The following DNMBP variants were observed in gnomAD, a reference collection of about 807,000 sequenced individuals.
The protein encoded by DNMBP is dynamin-binding protein.
DNMBP carries 87 observed loss-of-function variants against 150.0 expected under a neutral mutation model. The ratio of observed to expected loss-of-function variants is 0.58; its 90% CI spans 0.49 to 0.69. The LOEUF is 0.69. DNMBP is among the 30% of genes least tolerant of loss of function. The pLI is 0.00. For missense variants in DNMBP, 1,774 were observed against 1,949.0 expected, an observed-to-expected ratio of 0.91 and a Z score of 1.69; for synonymous variants, 711 against 750.4, an observed-to-expected ratio of 0.95 and a Z score of 0.86.
chr10:99,970,984 A>AAAATAAATAAAAAAAT, intron 2 of DNMBP, among the ~76,000 whole-genome samples: 1 of 147,728 alleles, frequency 6.8e-6, no homozygotes, highest in African/African-American at 2.5e-5. Flanking sequence ...AAAAAAAAAA[A>AAAATAAATAAAAAAAT]AAAAAAAAAA....
chr10:99,889,550 C>T (rs2039525027), intron 11 of DNMBP: 1 of 152,330 alleles, frequency 6.6e-6, no homozygotes, highest in East Asian at 1.9e-4. Flanking sequence ...AAGGTAGAGA[C>T]TTTTGTCTGT....
intron 1 of DNMBP, among the ~76,000 whole-genome samples, chr10:99,990,776 C>CAT (rs1327444426): frequency 9.2e-6 from 1 of 109,072 alleles, no homozygotes; most frequent in African/African-American, 4.1e-5. Context: ...CATATATACA[C>CAT]ATATATACAC....
At chr10:100,005,966 T>G (rs1364032546) in intron 1 of DNMBP, among the ~76,000 whole-genome samples, 1 of 152,164 alleles carries the variant, frequency 6.6e-6, no homozygotes, top group African/African-American at 2.4e-5. Context: ...AAAACCAATC[T>G]TTTAGATTCC....
At chr10:99,926,677 T>C (rs923973135) in intron 4 of DNMBP, among the ~76,000 whole-genome samples, 1 of 152,054 alleles carries the variant, frequency 6.6e-6, no homozygotes, top group Non-Finnish European at 1.5e-5. Flanking sequence ...AAGGGGGAAA[T>C]CCTGGAAAAC....
chr10:99,934,744 G>A (rs1395487014), intron 4 of DNMBP, among the ~76,000 whole-genome samples: 1 of 126,298 alleles, frequency 7.9e-6, no homozygotes, highest in African/African-American at 3.1e-5. Context: ...AATGCGTGGG[G>A]ACAAGATTTC....
intron 6 of DNMBP, among the ~76,000 whole-genome samples, chr10:99,905,508 A>C (rs1280202359): frequency 6.6e-6 from 1 of 152,092 alleles, no homozygotes; most frequent in Non-Finnish European, 1.5e-5. Flanking sequence ...GGGAGGACTG[A>C]GCTCAGGAAT....
intron 4 of DNMBP, among the ~76,000 whole-genome samples, chr10:99,936,499 T>C (rs981866264): frequency 6.7e-6 from 1 of 149,892 alleles, no homozygotes; most frequent in Non-Finnish European, 1.5e-5. Flanking sequence ...AACCCTTTAC[T>C]GAAGATTTCT....
chr10:99,896,145 G>A (rs1196663499), intron 10 of DNMBP, 122 bp downstream of exon 10: 8 of 1,158,230 alleles, frequency 6.9e-6, no homozygotes, highest in African/African-American at 1.5e-5. Context: ...GTCTCCACCA[G>A]CTCGTAAAAC....
At chr10:99,920,775 C>T (rs2040014297) in intron 4 of DNMBP, among the ~76,000 whole-genome samples, 1 of 152,096 alleles carries the variant, frequency 6.6e-6, no homozygotes, top group African/African-American at 2.4e-5. Context: ...TCACTGTAGC[C>T]TCAACCTCCT....
rs2040668305 is a variant in DNMBP, at chr10:99,970,977, A to AAAAAAAAAAAAAAAAAT, written c.145+1002_145+1003insATTTTTTTTTTTTTTTT. ...ACAGAGCAAGACTCCGTCTCAAAAA[A>AAAAAAAAAAAAAAAAAT]AAAAAAAAAAAAAAAAAAAAAGGAA... On this transcript the variant is annotated intron_variant, in intron 2 of 16. Coordinates refer to ENST00000324109, the MANE Select transcript of DNMBP (RefSeq NM_015221.4). Among the ~76,000 whole-genome samples, 6 of 136,138 alleles carry AAAAAAAAAAAAAAAAAT rather than the reference A, an allele frequency of 4.4e-5. 1 individual carries two copies. The highest frequency in any genetic ancestry group is 1.8e-4 in the African/African-American group (6 of 32,662). 89.3% of individuals were successfully genotyped at this position (136,138 alleles called of 152,430 possible).
chr10:99,934,311 G>GAAGC (rs1443127914), intron 4 of DNMBP, among the ~76,000 whole-genome samples: 15 of 151,358 alleles, frequency 9.9e-5, no homozygotes, highest in African/African-American at 3.7e-4. Flanking sequence ...GTTTTTTAGA[G>GAAGC]AAGCAAGCCT....
intron 1 of DNMBP, among the ~76,000 whole-genome samples, chr10:99,983,705 G>T (rs1026543076): frequency 6.6e-6 from 1 of 152,216 alleles, no homozygotes; most frequent in Non-Finnish European, 1.5e-5. Flanking sequence ...ACAGAATGTC[G>T]AACTGGAAGA....
At chr10:99,883,160 T>C (rs1590208748) in intron 15 of DNMBP, among the ~76,000 whole-genome samples, 1 of 50,440 alleles carries the variant, frequency 2.0e-5, no homozygotes, top group East Asian at 3.0e-4. Flanking sequence ...AAAGTGTTTT[T>C]AGAGCTTTTT....
At chr10:99,934,513 A>G (rs1277331601) in intron 4 of DNMBP, among the ~76,000 whole-genome samples, 2 of 136,176 alleles carry the variant, frequency 1.5e-5, no homozygotes, top group African/African-American at 5.7e-5. Context: ...GGGTGAAAGC[A>G]TAAGTCTTTT....
At chr10:99,892,681 C>T (rs1363213369) in intron 11 of DNMBP, among the ~76,000 whole-genome samples, 1 of 147,644 alleles carries the variant, frequency 6.8e-6, no homozygotes, top group Non-Finnish European at 1.5e-5. Context: ...TGTTTATCTG[C>T]TGACCTTCCC....
In DNMBP at chr10:99,877,101, C is replaced by CATTAA. The variant is rs2039286058; in HGVS notation, c.*49_*50insTTAAT. 1 of 1,397,886 alleles carries CATTAA rather than the reference C, an allele frequency of 7.2e-7. No homozygotes were observed. Among genetic ancestry groups the CATTAA allele is most frequent in the East Asian group, 2.6e-5 (1 of 37,762 alleles). The allele number at this position is 1,397,886 out of a possible 1,614,324, so 86.6% of individuals were successfully genotyped here. A position where few individuals can be genotyped will look rare whatever the true frequency, so the allele number is the denominator to read the frequency against. ...CCTCTCGGTGGGCCGCCAGAACCCT[C>CATTAA]GGCGGACTGAAAGCAAAGGCAGCAA... On this transcript the variant is annotated 3_prime_UTR_variant, in exon 17 of 17. Coordinates refer to ENST00000324109, the MANE Select transcript of DNMBP (RefSeq NM_015221.4).
intron 4 of DNMBP, among the ~76,000 whole-genome samples, chr10:99,946,716 C>A (rs1316855888): frequency 6.6e-6 from 1 of 152,082 alleles, no homozygotes; most frequent in Non-Finnish European, 1.5e-5. Context: ...GCAACAAAAA[C>A]AAAAACTGAC....
chr10:100,004,670 C>T (rs2041050068), intron 1 of DNMBP, among the ~76,000 whole-genome samples: 1 of 152,178 alleles, frequency 6.6e-6, no homozygotes, highest in Admixed American at 6.5e-5. Flanking sequence ...AAGTCACAGA[C>T]ATGACCTAGG....
At chr10:99,971,329 T>TCC (rs2040675025) in intron 2 of DNMBP, among the ~76,000 whole-genome samples, 2 of 151,688 alleles carry the variant, frequency 1.3e-5, no homozygotes, top group Non-Finnish European at 2.9e-5. Context: ...CTTCCTTCCT[T>TCC]TCTTTCTTTT....
Sources: allele counts gnomAD v4.1 joint callset (sites outside exome capture counted in the v4.1 genomes callset), GRCh38; gene constraint gnomAD v4.1.1; transcripts MANE v1.5; gene names NCBI Gene and HGNC (gene_info 2026-07-23, HGNC 2026-07-21).